Variants in MCTP2 observed in about 807,000 individuals in gnomAD.
MCTP2 encodes multiple C2 and transmembrane domain-containing protein 2.
A neutral mutation model predicts 111.6 loss-of-function variants in MCTP2; 132 were observed. The observed-to-expected ratio is 1.18, with a 90% CI of 1.03 to 1.37. The LOEUF is 1.37. Among genes scored for constraint, MCTP2 ranks in the 40% most tolerant of loss-of-function variants. The pLI, the probability that MCTP2 is intolerant of heterozygous loss-of-function variation, is 0.00. For synonymous variants in MCTP2, 395 were observed against 387.7 expected, an observed-to-expected ratio of 1.02 and a Z score of -0.22; for missense variants, 1,183 against 1,067.9, an observed-to-expected ratio of 1.11 and a Z score of -1.50.
At chr15:94,441,411 A>C (rs376094280) in intron 18 of MCTP2, among the ~76,000 whole-genome samples, 12 of 152,360 alleles carry the variant, frequency 7.9e-5, no homozygotes, top group African/African-American at 2.9e-4. Flanking sequence ...GGAAATTTTT[A>C]CAAAGAAACA....
rs1429269060 is a variant in MCTP2, at chr15:94,358,548, A to G, written c.1237A>G (p.Met413Val). The G allele has an allele frequency of 1.2e-6, 2 of 1,613,874 alleles. No homozygotes were observed. Among genetic ancestry groups the G allele is most frequent in the Non-Finnish European group, 1.7e-6 (2 of 1,179,826 alleles). ...TGACTTTCACTACTTCTCTGACAGG[A>G]TGGGCATTTTGGACATTGAAGTGTG... ...QFDFHYFSDR[M>V]GILDIEVWGK... Residue 413 changes from methionine (M) to valine (V), a missense_variant, in exon 10 of 23, where the codon ATG becomes GTG. Met to Val is a conservative substitution (Grantham distance 21). Transcript: ENST00000357742.
chr15:94,390,098 ATATATATATATATATG>A (rs752625475), intron 14 of MCTP2, among the ~76,000 whole-genome samples: 3,905 of 34,396 alleles, frequency 0.11, 227 homozygotes, highest in Middle Eastern at 0.22. Flanking sequence ...ATGTATATAT[ATATATATATATATATG>A]TATATATATA....
chr15:94,457,746 GA>G (rs2084925948), intron 19 of MCTP2, among the ~76,000 whole-genome samples: 1 of 152,194 alleles, frequency 6.6e-6, no homozygotes, highest in Admixed American at 6.5e-5. Flanking sequence ...CATCTCTGAA[GA>G]ACACTGATAG....
At chr15:94,351,602 A>G (rs564576364) in intron 8 of MCTP2, among the ~76,000 whole-genome samples, 2 of 152,252 alleles carry the variant, frequency 1.3e-5, no homozygotes, top group South Asian at 4.1e-4. Context: ...GCACCACGAG[A>G]ACACTGATAT....
chr15:94,419,058 G>C (rs968386461), intron 17 of MCTP2, among the ~76,000 whole-genome samples: 1 of 152,138 alleles, frequency 6.6e-6, no homozygotes, highest in Non-Finnish European at 1.5e-5. Context: ...CTGACAGTTT[G>C]AAAATGATAT....
chr15:94,295,520 A>G (rs1195312949), intron 1 of MCTP2, among the ~76,000 whole-genome samples: 1 of 151,976 alleles, frequency 6.6e-6, no homozygotes, highest in Non-Finnish European at 1.5e-5. Context: ...GTTCAGGTAT[A>G]CTTTATTTCA....
intron 14 of MCTP2, among the ~76,000 whole-genome samples, chr15:94,390,102 A>G (rs1306517589): frequency 3.1e-3 from 122 of 39,042 alleles, no homozygotes; most frequent in South Asian, 5.6e-3. Context: ...ATATATATAT[A>G]TATATATATA....
chr15:94,381,712 G>C (rs1596528278), intron 12 of MCTP2, among the ~76,000 whole-genome samples: 1 of 152,210 alleles, frequency 6.6e-6, no homozygotes, highest in South Asian at 2.1e-4. Context: ...CCTGGGTGGA[G>C]AAATCAAGCA....
intron 1 of MCTP2, among the ~76,000 whole-genome samples, chr15:94,245,334 G>A (rs1241089173): frequency 1.5e-5 from 2 of 137,472 alleles, no homozygotes; most frequent in African/African-American, 2.6e-5. Flanking sequence ...ACATACATAT[G>A]TGTAGATATT....
At chr15:94,311,548 G>A (rs1201985684) in intron 2 of MCTP2, among the ~76,000 whole-genome samples, 2 of 152,140 alleles carry the variant, frequency 1.3e-5, no homozygotes, top group African/African-American at 4.8e-5. Flanking sequence ...CCCAGCGGCT[G>A]TAACTCCATC....
At chr15:94,266,086 A>C (rs1242997357) in intron 1 of MCTP2, among the ~76,000 whole-genome samples, 2 of 151,420 alleles carry the variant, frequency 1.3e-5, no homozygotes, top group Non-Finnish European at 2.9e-5. Context: ...GCGCGCACAC[A>C]CACACACACG....
At chr15:94,473,866 T>TTTAA (rs2152543159) in intron 21 of MCTP2, among the ~76,000 whole-genome samples, 1 of 152,306 alleles carries the variant, frequency 6.6e-6, no homozygotes, top group East Asian at 1.9e-4. Context: ...AAAATGGTGT[T>TTTAA]TTAATTGTGT....
chr15:94,363,158 A>C (rs954646256), intron 10 of MCTP2, among the ~76,000 whole-genome samples: 1 of 152,210 alleles, frequency 6.6e-6, no homozygotes. Context: ...CGGCGCTGAC[A>C]TTCATTCTTT....
intron 13 of MCTP2, among the ~76,000 whole-genome samples, 200 bp downstream of exon 13, chr15:94,384,324 A>C (rs8025795): frequency 0.051 from 7,815 of 152,246 alleles, 225 homozygotes; most frequent in African/African-American, 0.059. Context: ...AGGGACTTTT[A>C]TAGGAGGCAT....
At chr15:94,447,009 A>G (rs192474770) in intron 19 of MCTP2, among the ~76,000 whole-genome samples, 441 of 152,336 alleles carry the variant, frequency 2.9e-3, no homozygotes, top group Admixed American at 6.2e-3. Context: ...TATTGTATCT[A>G]TATTCTATTT....
chr15:94,441,603 G>A (rs968854974), intron 18 of MCTP2, among the ~76,000 whole-genome samples: 1 of 152,080 alleles, frequency 6.6e-6, no homozygotes, highest in African/African-American at 2.4e-5. Flanking sequence ...TATGTATAAA[G>A]CCTTTATTTA....
intron 1 of MCTP2, among the ~76,000 whole-genome samples, chr15:94,257,566 G>GT (rs1220635423): frequency 1.4e-5 from 1 of 73,006 alleles, no homozygotes; most frequent in Non-Finnish European, 2.7e-5. Flanking sequence ...CATTTTCTTT[G>GT]TTGTTTTTTT....
chr15:94,298,056 C>T, intron 1 of MCTP2, 145 bp from the exon 2 acceptor site: 1 of 430,056 alleles, frequency 2.3e-6, no homozygotes, highest in Non-Finnish European at 4.1e-6. Flanking sequence ...AGTTACCAAT[C>T]AAATGTTGCA....
rs1435619318 is a variant in MCTP2, at chr15:94,245,043, T to G, written c.-66+13379T>G. ...ATATGCACCTATGTTTATATACGTA[T>G]ATGTATACACATACATATGTACCTG... On this transcript the variant is annotated intron_variant, in intron 1 of 22. Coordinates refer to ENST00000357742, the MANE Select transcript of MCTP2 (RefSeq NM_001385001.1). Among the ~76,000 whole-genome samples, 6 of 149,952 alleles carry G rather than the reference T, an allele frequency of 4.0e-5. 1 individual carries two copies. In the East Asian group the frequency reaches 1.2e-3, roughly 30 times the overall value.
Sources: gnomAD v4.1 joint callset for allele counts (sites outside exome capture counted in the v4.1 genomes callset) on GRCh38, gnomAD v4.1.1 for gene constraint, MANE v1.5 for transcripts, NCBI Gene and HGNC (gene_info 2026-07-23, HGNC 2026-07-21) for gene names.